Variants in LRRC4C observed in about 807,000 individuals in gnomAD.
LRRC4C encodes leucine rich repeat containing 4C, also known as leucine-rich repeat-containing protein 4C.
Under a neutral mutation model 33.6 loss-of-function variants are expected in LRRC4C, and 5 were observed. The ratio of observed to expected loss-of-function variants is 0.15; its 90% CI spans 0.08 to 0.31. The LOEUF is 0.31. Among genes scored for constraint, LRRC4C ranks in the 10% least tolerant of loss-of-function variants. The pLI, the probability that LRRC4C is intolerant of heterozygous loss-of-function variation, is 1.00. For missense variants in LRRC4C, 560 were observed against 796.7 expected (o/e 0.70, Z 3.58); for synonymous variants, 329 against 302.0 (o/e 1.09, Z -0.93).
At chr11:40,401,177 A>T (rs943478110) in intron 3 of LRRC4C, among the ~76,000 whole-genome samples, 4 of 150,906 alleles carry the variant, frequency 2.7e-5, no homozygotes, top group South Asian at 2.1e-4. Flanking sequence ...TAAAAAAAAA[A>T]TTTCCTGATT....
At chr11:40,760,369 T>C (rs570604430) in intron 2 of LRRC4C, among the ~76,000 whole-genome samples, 1 of 149,958 alleles carries the variant, frequency 6.7e-6, no homozygotes, top group Non-Finnish European at 1.5e-5. Context: ...ACGGAGACCA[T>C]ATGGCTCACA....
At chr11:40,923,749 T>A (rs1957291038) in intron 2 of LRRC4C, among the ~76,000 whole-genome samples, 1 of 151,920 alleles carries the variant, frequency 6.6e-6, no homozygotes, top group Admixed American at 6.6e-5. Context: ...TGAGAAAAAA[T>A]GTCCTTGGCT....
chr11:40,142,170 T>C (rs1419681841), intron 5 of LRRC4C, among the ~76,000 whole-genome samples: 4 of 148,708 alleles, frequency 2.7e-5, no homozygotes, highest in African/African-American at 9.9e-5. Flanking sequence ...TAGTCCCAGC[T>C]ACTTGGGAGG....
At chr11:40,418,575 G>A (rs1448512677) in intron 3 of LRRC4C, among the ~76,000 whole-genome samples, 1 of 152,116 alleles carries the variant, frequency 6.6e-6, no homozygotes, top group Non-Finnish European at 1.5e-5. Context: ...ACCTAGAACC[G>A]GAAATACCAT....
intron 3 of LRRC4C, chr11:40,446,369 C>A (rs962620906): frequency 7.2e-5 from 11 of 152,118 alleles, no homozygotes; most frequent in Non-Finnish European, 1.5e-4. Context: ...ACTCCTCATG[C>A]CTCATTACCA....
intron 1 of LRRC4C, among the ~76,000 whole-genome samples, chr11:41,067,591 C>T (rs1196177448): frequency 6.6e-6 from 1 of 152,194 alleles, no homozygotes; most frequent in Non-Finnish European, 1.5e-5. Context: ...AACTCTCCAC[C>T]CCAAATGAAC....
At chr11:40,387,276 G>C (rs922217967) in intron 3 of LRRC4C, among the ~76,000 whole-genome samples, 34 of 151,772 alleles carry the variant, frequency 2.2e-4, no homozygotes, top group African/African-American at 7.5e-4. Flanking sequence ...GATTTGAATG[G>C]GTTACCACTC....
intron 1 of LRRC4C, among the ~76,000 whole-genome samples, chr11:41,365,647 G>A (rs1004436691): frequency 6.6e-6 from 1 of 152,038 alleles, no homozygotes; most frequent in African/African-American, 2.4e-5. Context: ...TTCATCAGGT[G>A]CCCTGGTGTT....
intron 5 of LRRC4C, among the ~76,000 whole-genome samples, chr11:40,212,829 C>T (rs1318218363): frequency 6.6e-6 from 1 of 152,104 alleles, no homozygotes; most frequent in Admixed American, 6.6e-5. Context: ...ACTCTGTGTG[C>T]TTAGCCTTCA....
chr11:40,661,854 G>T (rs2136214362), intron 2 of LRRC4C, among the ~76,000 whole-genome samples: 1 of 152,212 alleles, frequency 6.6e-6, no homozygotes, highest in African/African-American at 2.4e-5. Flanking sequence ...CTACCTTCTT[G>T]TTACACAAAC....
At chr11:40,992,481 G>A (rs1853653588) in intron 1 of LRRC4C, among the ~76,000 whole-genome samples, 2 of 150,768 alleles carry the variant, frequency 1.3e-5, no homozygotes, top group African/African-American at 2.4e-5. Flanking sequence ...TGTAAAGGGC[G>A]GGATCTTAAC....
chr11:41,368,695 C>CAAAATGTGTTGTAT (rs1296428178), intron 1 of LRRC4C, among the ~76,000 whole-genome samples: 1 of 152,116 alleles, frequency 6.6e-6, no homozygotes. Flanking sequence ...ACAGTTCATT[C>CAAAATGTGTTGTAT]AAAATGTGTT....
chr11:40,598,346 G>A (rs890444958), intron 3 of LRRC4C, among the ~76,000 whole-genome samples: 8 of 152,132 alleles, frequency 5.3e-5, no homozygotes, highest in African/African-American at 1.9e-4. Flanking sequence ...AATGGCTAAG[G>A]TTTTAAGACA....
chr11:41,116,519 C>A (rs1942136224), intron 1 of LRRC4C, among the ~76,000 whole-genome samples: 1 of 152,078 alleles, frequency 6.6e-6, no homozygotes, highest in African/African-American at 2.4e-5. Flanking sequence ...GTGGAAAGAG[C>A]AAAATACAGT....
At chr11:40,622,425 G>A (rs886257729) in intron 3 of LRRC4C, among the ~76,000 whole-genome samples, 8 of 151,786 alleles carry the variant, frequency 5.3e-5, no homozygotes, top group African/African-American at 1.7e-4. Context: ...CTAGGCTTTT[G>A]TCTTCTGCCT....
intron 4 of LRRC4C, among the ~76,000 whole-genome samples, chr11:40,287,615 A>G (rs1269879229): frequency 6.6e-6 from 1 of 152,184 alleles, no homozygotes; most frequent in Non-Finnish European, 1.5e-5. Context: ...TTTCTCCACA[A>G]AAATTATTTT....
chr11:40,785,514 CT>C (rs1950377484), intron 2 of LRRC4C, among the ~76,000 whole-genome samples: 2 of 152,070 alleles, frequency 1.3e-5, no homozygotes, highest in Admixed American at 1.3e-4. Flanking sequence ...CCCATTTCCT[CT>C]TTTTATAATG....
intron 1 of LRRC4C, among the ~76,000 whole-genome samples, chr11:41,187,097 G>A (rs545515623): frequency 5.8e-4 from 88 of 152,276 alleles, no homozygotes; most frequent in Non-Finnish European, 5.6e-4. Flanking sequence ...TAATAGCAGT[G>A]ATATGGGAAG....
intron 1 of LRRC4C, among the ~76,000 whole-genome samples, chr11:41,117,770 G>A (rs1451707522): frequency 6.6e-6 from 1 of 151,882 alleles, no homozygotes; most frequent in Non-Finnish European, 1.5e-5. Context: ...GGTGCAATAG[G>A]ACCATTTCAA....
Sources: allele counts gnomAD v4.1 joint callset (sites outside exome capture counted in the v4.1 genomes callset), GRCh38; gene constraint gnomAD v4.1.1; transcripts MANE v1.5; gene names NCBI Gene and HGNC (gene_info 2026-07-23, HGNC 2026-07-21).